Variants in MRPL41 observed in about 807,000 individuals in gnomAD.
MRPL41 encodes the protein mitochondrial ribosomal protein L41, also known as large ribosomal subunit protein mL41.
In MRPL41, 2 loss-of-function variants were observed where a neutral mutation model predicts 3.3. The ratio of observed to expected loss-of-function variants is 0.60; its 90% CI spans 0.25 to 1.90. The LOEUF (loss-of-function observed/expected upper bound fraction) is 1.90. Among genes scored for constraint, MRPL41 ranks in the 40% most tolerant of loss-of-function variants. The probability of loss-of-function intolerance (pLI) is 0.16; values close to 1 mark genes in which losing one functional copy is unlikely to be tolerated. For synonymous variants in MRPL41, 93 were observed against 85.7 expected (o/e 1.08, Z -0.47); for missense variants, 161 against 192.2 (o/e 0.84, Z 0.96).
rs145954367 is a variant in MRPL41 at position 137,552,460 on chromosome 9, C to G, written c.379C>G (p.Leu127Val). ...CTTCGAGCCCACACAGGAGGGAAAGCTCTTCCAGCTCTACCCCAGGAACTT... is the reference window on the plus strand; with the variant it reads ...CTTCGAGCCCACACAGGAGGGAAAGGTCTTCCAGCTCTACCCCAGGAACTT... ...YGFEPTQEGK[L>V]FQLYPRNFLR The change falls in exon 2 of 2, where the codon CTC becomes GTC. Residue 127 changes from leucine to valine, a missense_variant. Leu to Val is a conservative substitution (Grantham distance 32, BLOSUM62 1). Coordinates refer to ENST00000371443, the MANE Select transcript of MRPL41 (RefSeq NM_032477.3). The G allele has an allele frequency of 5.5e-4, 872 of 1,582,482 alleles. No individual in the cohort carries two copies. The highest frequency in any genetic ancestry group is 7.1e-4 in the Non-Finnish European group (826 of 1,161,970).
Position 137,552,535 on chromosome 9 carries a change from A to T in MRPL41, c.*40A>T, listed in dbSNP as rs577454030. The T allele has an allele frequency of 6.0e-6, 9 of 1,491,580 alleles. No homozygotes were observed. In the Admixed American group the frequency reaches 2.1e-4, roughly 35 times the overall value. 92.4% of individuals were successfully genotyped at this position (1,491,580 alleles called of 1,614,324 possible). ...GGCGGCCTGCCCTCATCTCATTTCT[A>T]TTAAACGCCTTTGCCAGCTATACGG... On this transcript the variant is annotated 3_prime_UTR_variant, in exon 2 of 2. Transcript: ENST00000371443.
chr9:137,552,513 G>C lies in MRPL41; in HGVS notation c.*18G>C. 1.3e-6 allele frequency: 2 copies of C among 1,523,374 alleles called. No homozygotes were observed. Among genetic ancestry groups the C allele is most frequent in the Middle Eastern group, 1.8e-4 (1 of 5,676 alleles). The allele number at this position is 1,523,374 out of a possible 1,614,324, so 94.4% of individuals were successfully genotyped here. The stretch of plus-strand genomic sequence containing the variant: ...TGCGCTAGCTGGGCGGGGGAGGGGC[G>C]GCCTGCCCTCATCTCATTTCTATTA... On this transcript the variant is annotated 3_prime_UTR_variant, in exon 2 of 2. Coordinates refer to ENST00000371443, the MANE Select transcript of MRPL41 (RefSeq NM_032477.3).
Position 137,552,531 on chromosome 9 carries a change from T to A in MRPL41, c.*36T>A, listed in dbSNP as rs1837003399. ...GAGGGGCGGCCTGCCCTCATCTCATTTCTATTAAACGCCTTTGCCAGCTAT... is the reference window on the plus strand; with the variant it reads ...GAGGGGCGGCCTGCCCTCATCTCATATCTATTAAACGCCTTTGCCAGCTAT... On this transcript the variant is annotated 3_prime_UTR_variant, in exon 2 of 2. Transcript: ENST00000371443. 6.7e-7 allele frequency: 1 copy of A among 1,499,344 alleles called. No individual in the cohort carries two copies. The highest frequency in any genetic ancestry group is 8.9e-7 in the Non-Finnish European group (1 of 1,123,610). 92.9% of individuals were successfully genotyped at this position (1,499,344 alleles called of 1,614,324 possible).
At position 137,552,491 on chromosome 9, in the gene MRPL41, G is replaced by A. The variant is rs771467686; in HGVS notation, c.410G>A (p.Arg137His). ...LFQLYPRNFL[R>H] ...CAGCTCTACCCCAGGAACTTCCTGC[G>A]CTAGCTGGGCGGGGGAGGGGCGGCC... The change falls in exon 2 of 2, where the codon CGC becomes CAC. Residue 137 changes from arginine to histidine, a missense_variant. Coordinates refer to ENST00000371443, the MANE Select transcript of MRPL41 (RefSeq NM_032477.3). 6.5e-7 allele frequency: 1 copy of A among 1,546,946 alleles called. No homozygotes were observed. Among genetic ancestry groups the A allele is most frequent in the Admixed American group, 2.0e-5 (1 of 50,544 alleles).
chr9:137,551,955 G>T lies in MRPL41; in HGVS notation c.-32G>T, dbSNP rs560691288. The T allele has an allele frequency of 4.0e-6, 3 of 742,774 alleles. No individual in the cohort carries two copies. Among genetic ancestry groups the T allele is most frequent in the Non-Finnish European group, 5.5e-6 (3 of 545,144 alleles). The allele number at this position is 742,774 out of a possible 1,614,324, so 46.0% of individuals were successfully genotyped here. On this transcript the variant is annotated 5_prime_UTR_variant, in exon 1 of 2. Transcript: ENST00000371443. ...GGCGCCGGAGCCGGGGCCGCTTGGA[G>T]CTCGTGTGGGGTCTCCGGTCCAGGT...
rs768222530 is a variant in MRPL41, at chr9:137,552,046, C to G, written c.-8-28C>G. On this transcript the variant is annotated intron_variant, in intron 1 of 1. Transcript: ENST00000371443. ...GCGGGGCTGGCCGGGTTCCCGGGGC[C>G]GCGACTACCCGCTCTCTCCTCCCGC... 5 of 1,272,736 alleles carry G rather than the reference C, an allele frequency of 3.9e-6. No homozygotes were observed. The African/African-American group carries it at 7.7e-5, about 20-fold the overall frequency. 78.8% of individuals were successfully genotyped at this position (1,272,736 alleles called of 1,614,324 possible).
chr9:137,552,442 C>T lies in MRPL41; in HGVS notation c.361C>T (p.Pro121Ser). 1 of 1,598,166 alleles carries T rather than the reference C, an allele frequency of 6.3e-7. No individual in the cohort carries two copies. The highest frequency in any genetic ancestry group is 2.3e-5 in the East Asian group (1 of 43,616). ...CAACCTGGAAAAGTACGGCTTCGAGCCCACACAGGAGGGAAAGCTCTTCCA... is the reference window on the plus strand; with the variant it reads ...CAACCTGGAAAAGTACGGCTTCGAGTCCACACAGGAGGGAAAGCTCTTCCA... ...PDNLEKYGFE[P>S]TQEGKLFQLY... Residue 121 changes from proline (P) to serine (S), a missense_variant, in exon 2 of 2, where the codon CCC becomes TCC. By Grantham distance (74) the Pro-to-Ser change is moderately conservative. Coordinates refer to ENST00000371443, the MANE Select transcript of MRPL41 (RefSeq NM_032477.3).
In MRPL41 at chr9:137,552,476, C is replaced by G. The variant is rs1464969969; in HGVS notation, c.395C>G (p.Pro132Arg). 1 of 1,563,124 alleles carries G rather than the reference C, an allele frequency of 6.4e-7. No individual in the cohort carries two copies. Residue 132 changes from proline (P) to arginine (R), a missense_variant, in exon 2 of 2, where the codon CCC becomes CGC. By Grantham distance (103) the Pro-to-Arg change is moderately radical (BLOSUM62 -2). Coordinates refer to ENST00000371443, the MANE Select transcript of MRPL41 (RefSeq NM_032477.3). Reference protein sequence around the residue: ...TQEGKLFQLYPRNFLR With the variant: ...TQEGKLFQLYRRNFLR The stretch of plus-strand genomic sequence containing the variant: ...GAGGGAAAGCTCTTCCAGCTCTACC[C>G]CAGGAACTTCCTGCGCTAGCTGGGC...
In MRPL41 at chr9:137,551,992, A is replaced by G; in HGVS notation, c.-9+14A>G. On this transcript the variant is annotated intron_variant, in intron 1 of 1. Coordinates refer to ENST00000371443, the MANE Select transcript of MRPL41 (RefSeq NM_032477.3). Reference sequence around the variant, plus strand: ...TCTCCGGTCCAGGTGAGTCTGTCGGATTGGGGCGGGCGCCGCGCGCGGCCA... The same window carrying G: ...TCTCCGGTCCAGGTGAGTCTGTCGGGTTGGGGCGGGCGCCGCGCGCGGCCA... 9.2e-7 allele frequency: 1 copy of G among 1,084,898 alleles called. No homozygotes were observed. Among genetic ancestry groups the G allele is most frequent in the South Asian group, 4.2e-5 (1 of 23,668 alleles). The allele number at this position is 1,084,898 out of a possible 1,614,324, so 67.2% of individuals were successfully genotyped here.
In MRPL41 at chr9:137,551,959, G is replaced by A. The variant is rs530015471; in HGVS notation, c.-28G>A. The A allele has an allele frequency of 9.9e-5, 77 of 780,756 alleles. No individual in the cohort carries two copies. The East Asian group carries it at 2.7e-3, about 27-fold the overall frequency. 48.4% of individuals were successfully genotyped at this position (780,756 alleles called of 1,614,324 possible). ...CCGGAGCCGGGGCCGCTTGGAGCTC[G>A]TGTGGGGTCTCCGGTCCAGGTGAGT... On this transcript the variant is annotated 5_prime_UTR_variant, in exon 1 of 2. The change creates a new upstream start codon in the 5' untranslated region. Transcript: ENST00000371443.
chr9:137,551,922 G>A lies in MRPL41; in HGVS notation c.-65G>A, dbSNP rs1588742605. 3 of 502,414 alleles carry A rather than the reference G, an allele frequency of 6.0e-6. No homozygotes were observed. Among genetic ancestry groups the A allele is most frequent in the East Asian group, 7.5e-5 (2 of 26,814 alleles). The allele number at this position is 502,414 out of a possible 1,614,324, so 31.1% of individuals were successfully genotyped here. A position where few individuals can be genotyped will look rare whatever the true frequency, so the allele number is the denominator to read the frequency against. On this transcript the variant is annotated 5_prime_UTR_variant, in exon 1 of 2. Transcript: ENST00000371443. ...CGGTCGGAAGCGGAGCAAGGTCGAG[G>A]CCGGGTTGGCGCCGGAGCCGGGGCC...
chr9:137,551,914 A>G lies in MRPL41; in HGVS notation c.-73A>G. On this transcript the variant is annotated 5_prime_UTR_variant, in exon 1 of 2. Coordinates refer to ENST00000371443, the MANE Select transcript of MRPL41 (RefSeq NM_032477.3). ...CGACGCAGCGGTCGGAAGCGGAGCA[A>G]GGTCGAGGCCGGGTTGGCGCCGGAG... 1 of 458,436 alleles carries G rather than the reference A, an allele frequency of 2.2e-6. No homozygotes were observed. The highest frequency in any genetic ancestry group is 3.5e-6 in the Non-Finnish European group (1 of 286,432). 28.4% of individuals were successfully genotyped at this position (458,436 alleles called of 1,614,324 possible). A position where few individuals can be genotyped will look rare whatever the true frequency, so the allele number is the denominator to read the frequency against.
Position 137,552,496 on chromosome 9 carries a change from C to T in MRPL41, c.*1C>T, listed in dbSNP as rs1588744073. On this transcript the variant is annotated 3_prime_UTR_variant, in exon 2 of 2. Coordinates refer to ENST00000371443, the MANE Select transcript of MRPL41 (RefSeq NM_032477.3). Reference sequence around the variant, plus strand: ...CTACCCCAGGAACTTCCTGCGCTAGCTGGGCGGGGGAGGGGCGGCCTGCCC... The same window carrying T: ...CTACCCCAGGAACTTCCTGCGCTAGTTGGGCGGGGGAGGGGCGGCCTGCCC... 1 of 1,544,974 alleles carries T rather than the reference C, an allele frequency of 6.5e-7. No individual in the cohort carries two copies. The highest frequency in any genetic ancestry group is 1.4e-5 in the African/African-American group (1 of 72,036).
In MRPL41 at chr9:137,552,314, C is replaced by T. The variant is rs748343654; in HGVS notation, c.233C>T (p.Ala78Val). The change falls in exon 2 of 2, where the codon GCC (alanine) becomes GTC (valine). Residue 78 changes from alanine (A) to valine (V), a missense_variant. Transcript: ENST00000371443. ...FKLKPYVSYL[A>V]PESEETPLTA... ...CTCAAGCCCTACGTGAGCTACCTCG[C>T]CCCTGAGAGCGAGGAGACGCCCCTG... 1 of 1,609,258 alleles carries T rather than the reference C, an allele frequency of 6.2e-7. No homozygotes were observed. The highest frequency in any genetic ancestry group is 8.5e-7 in the Non-Finnish European group (1 of 1,178,296).
In MRPL41 at chr9:137,552,341, C is replaced by T; in HGVS notation, c.260C>T (p.Thr87Met). Residue 87 changes from threonine (T) to methionine (M), a missense_variant, in exon 2 of 2, where the codon ACG (threonine) becomes ATG (methionine). Thr to Met is a moderately conservative substitution (Grantham distance 81, BLOSUM62 -1). Coordinates refer to ENST00000371443, the MANE Select transcript of MRPL41 (RefSeq NM_032477.3). ...LAPESEETPL[T>M]AAQLFSEAVA... ...CCTGAGAGCGAGGAGACGCCCCTGA[C>T]GGCCGCGCAGCTCTTCAGCGAAGCC... 6.2e-7 allele frequency: 1 copy of T among 1,611,114 alleles called. No individual in the cohort carries two copies.
At position 137,552,445 on chromosome 9, in the gene MRPL41, A is replaced by G. The variant is rs34976548; in HGVS notation, c.364A>G (p.Thr122Ala). The G allele has an allele frequency of 5.0e-6, 8 of 1,593,612 alleles. No individual in the cohort carries two copies. In the African/African-American group the frequency reaches 9.5e-5, roughly 19 times the overall value. ...CCTGGAAAAGTACGGCTTCGAGCCC[A>G]CACAGGAGGGAAAGCTCTTCCAGCT... ...DNLEKYGFEP[T>A]QEGKLFQLYP... Residue 122 changes from threonine to alanine, a missense_variant, in exon 2 of 2, where the codon ACA becomes GCA. By Grantham distance (58) the Thr-to-Ala change is moderately conservative (BLOSUM62 0). Coordinates refer to ENST00000371443, the MANE Select transcript of MRPL41 (RefSeq NM_032477.3).
In MRPL41 at chr9:137,552,203, T is replaced by C; in HGVS notation, c.122T>C (p.Ile41Thr). 1.3e-5 allele frequency: 20 copies of C among 1,563,920 alleles called. No individual in the cohort carries two copies. The highest frequency in any genetic ancestry group is 1.7e-5 in the Non-Finnish European group (20 of 1,156,862). Residue 41 changes from isoleucine to threonine, a missense_variant, in exon 2 of 2, where the codon ATC becomes ACC. Ile to Thr is a moderately conservative substitution (Grantham distance 89, BLOSUM62 -1). Transcript: ENST00000371443. ...CGCAAGGGCCGGGGCGCCAAGGGCA[T>C]CGGCTTCCTCACCTCGGGCTGGAGG... ...RGRKGRGAKGIGFLTSGWRFV... is the reference protein window; with the variant it reads ...RGRKGRGAKGTGFLTSGWRFV...
chr9:137,552,380 T>G lies in MRPL41; in HGVS notation c.299T>G (p.Ile100Ser). The change falls in exon 2 of 2, where the codon ATC becomes AGC. Residue 100 changes from isoleucine (I) to serine (S), a missense_variant. Transcript: ENST00000371443. ...QLFSEAVAPAIEKDFKDGTFD... is the reference protein window; with the variant it reads ...QLFSEAVAPASEKDFKDGTFD... Reference sequence around the variant, plus strand: ...TTCAGCGAAGCCGTGGCGCCTGCCATCGAAAAGGACTTCAAGGACGGTACC... The same window carrying G: ...TTCAGCGAAGCCGTGGCGCCTGCCAGCGAAAAGGACTTCAAGGACGGTACC... 1 of 1,610,982 alleles carries G rather than the reference T, an allele frequency of 6.2e-7. No individual in the cohort carries two copies. The highest frequency in any genetic ancestry group is 8.5e-7 in the Non-Finnish European group (1 of 1,179,032).
intron 1 of MRPL41, 42 bp from the exon 2 acceptor site, chr9:137,552,030 GCC>G (rs1836978297): frequency 7.9e-7 from 1 of 1,258,638 alleles, no homozygotes; most frequent in South Asian, 3.1e-5. Context: ...GGCGGGGCTG[GCC>G]GGGTTCCCGG....
Sources: allele counts gnomAD v4.1 joint callset, GRCh38; gene constraint gnomAD v4.1.1; transcripts MANE v1.5; gene names NCBI Gene and HGNC (gene_info 2026-07-23, HGNC 2026-07-21).